Variants in PGM5 observed in about 807,000 individuals in gnomAD.
PGM5 encodes phosphoglucomutase 5.
PGM5 carries 23 observed loss-of-function variants against 59.2 expected under a neutral mutation model. The observed-to-expected ratio is 0.39, with a 90% CI of 0.28 to 0.55. PGM5 has a LOEUF of 0.55. PGM5 is among the 20% of genes least tolerant of loss of function. The pLI is 0.66. For missense variants in PGM5, 574 were observed against 748.3 expected (o/e 0.77, Z 2.72); for synonymous variants, 214 against 286.0 (o/e 0.75, Z 2.54).
At chr9:68,418,393 C>T (rs111918313) in intron 6 of PGM5, among the ~76,000 whole-genome samples, 182 of 152,240 alleles carry the variant, frequency 1.2e-3, no homozygotes, top group African/African-American at 3.9e-3. Flanking sequence ...TCTGTTCCTG[C>T]GCTCAGCTTT....
intron 6 of PGM5, chr9:68,397,825 G>C (rs1277641920): frequency 6.6e-6 from 1 of 152,178 alleles, no homozygotes; most frequent in Non-Finnish European, 1.5e-5. Flanking sequence ...TCAGAAACAG[G>C]TATCTGGACC....
chr9:68,372,806 T>A (rs370539756), intron 1 of PGM5, among the ~76,000 whole-genome samples: 9,852 of 152,024 alleles, frequency 0.065, 395 homozygotes, highest in African/African-American at 0.12. Flanking sequence ...AGCAGGCATA[T>A]CACACAGCAA....
At chr9:68,401,883 A>G (rs1418596566) in intron 6 of PGM5, among the ~76,000 whole-genome samples, 1 of 105,964 alleles carries the variant, frequency 9.4e-6, no homozygotes, top group African/African-American at 3.7e-5. Flanking sequence ...ACAGCTATAT[A>G]TATATATGTG....
At chr9:68,372,687 A>G (rs1821770902) in intron 1 of PGM5, among the ~76,000 whole-genome samples, 2 of 152,176 alleles carry the variant, frequency 1.3e-5, no homozygotes, top group South Asian at 4.1e-4. Context: ...CAAAGAAAAG[A>G]AGTTTCCTTA....
intron 9 of PGM5, among the ~76,000 whole-genome samples, chr9:68,488,188 C>T (rs768142870): frequency 3.0e-4 from 46 of 152,212 alleles, no homozygotes; most frequent in South Asian, 8.3e-4. Flanking sequence ...TTTGAGAAGG[C>T]CCCTTCAGTT....
chr9:68,504,703 C>T (rs1259080757), intron 10 of PGM5, among the ~76,000 whole-genome samples: 2 of 152,080 alleles, frequency 1.3e-5, no homozygotes, highest in African/African-American at 4.8e-5. Context: ...CATTTATCCT[C>T]ATCATATATA....
chr9:68,370,570 A>G (rs1376748293), intron 1 of PGM5, among the ~76,000 whole-genome samples: 2 of 152,234 alleles, frequency 1.3e-5, no homozygotes, highest in African/African-American at 4.8e-5. Flanking sequence ...CAGAAATAAG[A>G]TCATTAAAAA....
intron 7 of PGM5, among the ~76,000 whole-genome samples, chr9:68,476,120 G>A (rs151051688): frequency 1.3e-5 from 2 of 152,252 alleles, no homozygotes; most frequent in East Asian, 1.9e-4. Flanking sequence ...TAGCTGGGTC[G>A]AAAGCTGCAT....
Position 68,391,638 on chromosome 9 carries a change from G to A in PGM5, c.802G>A (p.Asp268Asn), listed in dbSNP as rs1822367560. Residue 268 changes from aspartate (D) to asparagine (N), a missense_variant, in exon 5 of 11, where the codon GAC (aspartate) becomes AAC (asparagine). By Grantham distance (23) the Asp-to-Asn change is conservative. This residue lies in a region of PGM5 where 34 missense variants were observed against 48.1 expected (regional missense o/e 0.71). Coordinates refer to ENST00000396396, the MANE Select transcript of PGM5 (RefSeq NM_021965.4). ...GGAAGACTTTGGAGGGCAGCACCCT[G>A]ACCCAAACCTGACATATGCAACGAC... is the stretch of plus-strand genomic sequence containing the variant. Reference protein sequence around the residue: ...PLEDFGGQHPDPNLTYATTLL... With the variant: ...PLEDFGGQHPNPNLTYATTLL... 6.2e-7 allele frequency: 1 copy of A among 1,613,224 alleles called. No individual in the cohort carries two copies. Among genetic ancestry groups the A allele is most frequent in the South Asian group, 1.1e-5 (1 of 91,070 alleles).
At chr9:68,414,234 G>A (rs2132041279) in intron 6 of PGM5, among the ~76,000 whole-genome samples, 1 of 152,274 alleles carries the variant, frequency 6.6e-6, no homozygotes, top group African/African-American at 2.4e-5. Flanking sequence ...GCAGAACCAT[G>A]AGCTAAATAG....
chr9:68,497,429 A>G (rs534542825), intron 9 of PGM5: 1 of 152,360 alleles, frequency 6.6e-6, no homozygotes, highest in East Asian at 1.9e-4. Flanking sequence ...CTTTGGTTAC[A>G]CAAATTGTGG....
At chr9:68,383,504 A>G (rs2989599) in intron 2 of PGM5, among the ~76,000 whole-genome samples, 7 of 148,410 alleles carry the variant, frequency 4.7e-5, no homozygotes, top group African/African-American at 1.7e-4. Flanking sequence ...TAAATGTGAC[A>G]AGTAACTATT....
chr9:68,436,475 C>A (rs1357135518), intron 6 of PGM5, among the ~76,000 whole-genome samples: 2 of 152,144 alleles, frequency 1.3e-5, no homozygotes, highest in African/African-American at 4.8e-5. Context: ...GACGAGCAGC[C>A]AGAGAGAAGG....
In PGM5 at chr9:68,483,861, C is replaced by T. The variant is rs781925256; in HGVS notation, c.1296-4C>T. On this transcript the variant is annotated splice_region_variant and splice_polypyrimidine_tract_variant and intron_variant, in intron 8 of 10. Coordinates refer to ENST00000396396, the MANE Select transcript of PGM5 (RefSeq NM_021965.4). ...GGTTTCTGTTCCTCCTGTGTCCTCA[C>T]CAGGTTTGACTATGAGGGGTTGGAT... 2 of 1,613,760 alleles carry T rather than the reference C, an allele frequency of 1.2e-6. No homozygotes were observed. The highest frequency in any genetic ancestry group is 8.5e-7 in the Non-Finnish European group (1 of 1,179,722).
chr9:68,527,206 G>A (rs558687960), intron 10 of PGM5, among the ~76,000 whole-genome samples: 1 of 152,214 alleles, frequency 6.6e-6, no homozygotes, highest in Non-Finnish European at 1.5e-5. Context: ...AAGATGTGGA[G>A]TCAAAAAATC....
Position 68,356,962 on chromosome 9 carries a change from G to A in PGM5, c.-166G>A. 1.8e-6 allele frequency: 1 copy of A among 564,672 alleles called. No homozygotes were observed. The highest frequency in any genetic ancestry group is 2.8e-6 in the Non-Finnish European group (1 of 359,734). 35.0% of individuals were successfully genotyped at this position (564,672 alleles called of 1,614,324 possible). A position where few individuals can be genotyped will look rare whatever the true frequency, so the allele number is the denominator to read the frequency against. On this transcript the variant is annotated 5_prime_UTR_variant, in exon 1 of 11. Coordinates refer to ENST00000396396, the MANE Select transcript of PGM5 (RefSeq NM_021965.4). ...GCGGCCGCGCGGAGAGGAGGGGCGG[G>A]CGGTCCCCAGGCGGGCGGGTGCAGG...
chr9:68,488,640 G>A (rs1317849932), intron 9 of PGM5, among the ~76,000 whole-genome samples: 1 of 152,174 alleles, frequency 6.6e-6, no homozygotes, highest in East Asian at 1.9e-4. Context: ...CCAAGTGTCT[G>A]ATGCATGTGT....
At position 68,391,593 on chromosome 9, in the gene PGM5, G is replaced by A. The variant is rs146004892; in HGVS notation, c.757G>A (p.Ala253Thr). 0.012 allele frequency: 19,555 copies of A among 1,613,108 alleles called. 39 individuals are homozygous for A. The highest frequency in any genetic ancestry group is 0.014 in the Non-Finnish European group (16,742 of 1,179,276). ...TGAGCTGGGGGCCCCAGCCAATTCTGCAATAAACTGTGTTCCCCTGGAAGA... is the reference window on the plus strand; with the variant it reads ...TGAGCTGGGGGCCCCAGCCAATTCTACAATAAACTGTGTTCCCCTGGAAGA... ...CDELGAPANS[A>T]INCVPLEDFG... Residue 253 changes from alanine to threonine, a missense_variant, in exon 5 of 11, where the codon GCA becomes ACA. Around this residue, in one of 7 missense-constraint regions of PGM5, gnomAD observed 8 missense variants for 28.2 expected, o/e 0.28. Transcript: ENST00000396396.
intron 6 of PGM5, among the ~76,000 whole-genome samples, chr9:68,417,427 G>A (rs1333139898): frequency 6.6e-6 from 1 of 151,988 alleles, no homozygotes; most frequent in East Asian, 1.9e-4. Flanking sequence ...GGGCCCGGGG[G>A]ACGTGTGAAA....
Sources: gnomAD v4.1 joint callset for allele counts (sites outside exome capture counted in the v4.1 genomes callset) on GRCh38, gnomAD v4.1.1 for gene constraint, gnomAD v4.1.1 regional missense constraint, MANE v1.5 for transcripts, NCBI Gene and HGNC (gene_info 2026-07-23, HGNC 2026-07-21) for gene names.